Variants in FANK1 observed in about 807,000 individuals in gnomAD.
FANK1 encodes fibronectin type 3 and ankyrin repeat domains protein 1.
FANK1 carries 44 observed loss-of-function variants against 45.3 expected under a neutral mutation model. The ratio of observed to expected loss-of-function variants is 0.97; its 90% CI spans 0.76 to 1.25. FANK1 has a LOEUF of 1.25. FANK1 is among the 50% of genes most tolerant of loss of function. The pLI is 0.00. For synonymous variants in FANK1, 149 were observed against 152.5 expected, an observed-to-expected ratio of 0.98 and a Z score of 0.17; for missense variants, 391 against 424.4, an observed-to-expected ratio of 0.92 and a Z score of 0.69.
At chr10:125,981,515 A>AAAAAG (rs397791576) in intron 2 of FANK1, among the ~76,000 whole-genome samples, 1 of 146,740 alleles carries the variant, frequency 6.8e-6, no homozygotes, top group African/African-American at 2.5e-5. Context: ...AAAAAAAAAA[A>AAAAAG]GTTATGTTTT....
intron 1 of FANK1, among the ~76,000 whole-genome samples, chr10:125,919,050 C>G (rs1187441133): frequency 1.1e-4 from 16 of 151,972 alleles, no homozygotes; most frequent in Admixed American, 6.6e-5. Context: ...AATTTAAATT[C>G]AAGTTCACTG....
chr10:125,984,046 G>C (rs1014109946), intron 2 of FANK1, among the ~76,000 whole-genome samples: 7 of 152,162 alleles, frequency 4.6e-5, no homozygotes, highest in Admixed American at 2.6e-4. Context: ...CCGAATATGG[G>C]ATGTGAGATA....
chr10:125,960,304 G>T, intron 1 of FANK1: 1 of 274,692 alleles, frequency 3.6e-6, no homozygotes, highest in Non-Finnish European at 7.2e-6. Context: ...TACTGTTGCA[G>T]CTCTGCAGCT....
At chr10:125,952,032 A>T (rs541297655) in intron 1 of FANK1, among the ~76,000 whole-genome samples, 5 of 152,172 alleles carry the variant, frequency 3.3e-5, no homozygotes, top group Non-Finnish European at 7.4e-5. Flanking sequence ...ATGCTGCTTT[A>T]TCTGGAACTG....
At chr10:125,965,526 C>T (rs997261575) in intron 1 of FANK1, among the ~76,000 whole-genome samples, 1 of 152,206 alleles carries the variant, frequency 6.6e-6, no homozygotes, top group African/African-American at 2.4e-5. Flanking sequence ...CCAGGCACAG[C>T]CTGTGGGGGA....
At position 125,935,003 on chromosome 10, in the gene FANK1, G is replaced by A. The variant is rs573716043; in HGVS notation, c.13+38348G>A. ...CTGCTCAGTGCTGCAGTTCAGCAGG[G>A]TGGAGGCTATGCTGTGCATGCCCCA... On this transcript the variant is annotated intron_variant, in intron 1 of 10. Coordinates refer to ENST00000368693, the MANE Select transcript of FANK1 (RefSeq NM_145235.5). Among the ~76,000 whole-genome samples, 61 of 152,204 alleles carry A rather than the reference G, an allele frequency of 4.0e-4. 2 individuals are homozygous for A. Among genetic ancestry groups the A allele is most frequent in the Middle Eastern group, 6.8e-3 (2 of 294 alleles).
chr10:125,978,030 G>A (rs555762475), intron 1 of FANK1, among the ~76,000 whole-genome samples: 1 of 152,250 alleles, frequency 6.6e-6, no homozygotes, highest in African/African-American at 2.4e-5. Flanking sequence ...AGGCCTGGAG[G>A]ACCTGTCCAG....
At chr10:125,961,622 C>T (rs1949933291) in intron 1 of FANK1, among the ~76,000 whole-genome samples, 2 of 152,120 alleles carry the variant, frequency 1.3e-5, no homozygotes, top group Admixed American at 1.3e-4. Context: ...AATGTAAGAT[C>T]TGAAACCATA....
chr10:125,964,133 G>A (rs1950078814), intron 1 of FANK1, among the ~76,000 whole-genome samples: 1 of 145,424 alleles, frequency 6.9e-6, no homozygotes, highest in Non-Finnish European at 1.5e-5. Context: ...CTCTTCCTCT[G>A]TCTGTGATAT....
At position 125,952,688 on chromosome 10, in the gene FANK1, C is replaced by T. The variant is rs895395672; in HGVS notation, c.14-27473C>T. The stretch of plus-strand genomic sequence containing the variant: ...TGGCCCACCCTCCTGGTTTGTATAC[C>T]TCTGCTTGCCTCTCTCCTGTGGAAT... On this transcript the variant is annotated intron_variant, in intron 1 of 10. Transcript: ENST00000368693. 3.3e-5 allele frequency among the ~76,000 whole-genome samples: 5 copies of T among 151,702 alleles called. No homozygotes were observed. In the East Asian group the frequency reaches 7.7e-4, roughly 24 times the overall value.
chr10:125,995,143 T>C (rs1055159828), intron 3 of FANK1, among the ~76,000 whole-genome samples: 14 of 152,176 alleles, frequency 9.2e-5, no homozygotes, highest in Non-Finnish European at 2.1e-4. Context: ...TCTGAAAGGA[T>C]TATTTCCAAA....
intron 1 of FANK1, among the ~76,000 whole-genome samples, chr10:125,907,247 A>G (rs1323374387): frequency 6.6e-6 from 1 of 152,228 alleles, no homozygotes; most frequent in Non-Finnish European, 1.5e-5. Flanking sequence ...ATCTATAGTG[A>G]TAACTCTTCA....
At position 125,974,377 on chromosome 10, in the gene FANK1, G is replaced by A. The variant is rs180824126; in HGVS notation, c.14-5784G>A. Among the ~76,000 whole-genome samples, 160 of 152,290 alleles carry A rather than the reference G, an allele frequency of 1.1e-3. 2 individuals are homozygous for A. Among genetic ancestry groups the A allele is most frequent in the African/African-American group, 3.6e-3 (150 of 41,548 alleles). ...AGCTACTTGGGACATTGGCTCAAGG[G>A]AAATACAAGATCCTTTTTTTTTAAA... On this transcript the variant is annotated intron_variant, in intron 1 of 10. Coordinates refer to ENST00000368693, the MANE Select transcript of FANK1 (RefSeq NM_145235.5).
intron 1 of FANK1, chr10:125,973,124 C>T (rs1950625278): frequency 6.6e-6 from 1 of 152,242 alleles, no homozygotes; most frequent in African/African-American, 2.4e-5. Flanking sequence ...TCATTATGTA[C>T]CTACATCAAT....
chr10:126,003,400 T>TA (rs950677283), intron 6 of FANK1, among the ~76,000 whole-genome samples: 5 of 151,500 alleles, frequency 3.3e-5, no homozygotes, highest in Non-Finnish European at 7.4e-5. Context: ...TTTTAAGAAT[T>TA]AAAAAAAAAT....
chr10:125,941,385 C>T (rs1026141053), intron 1 of FANK1, among the ~76,000 whole-genome samples: 4 of 152,178 alleles, frequency 2.6e-5, no homozygotes, highest in East Asian at 3.8e-4. Context: ...GATTTTGCAT[C>T]TACAGGACTG....
intron 1 of FANK1, among the ~76,000 whole-genome samples, chr10:125,922,329 C>T (rs759998230): frequency 2.4e-4 from 37 of 152,294 alleles, no homozygotes; most frequent in East Asian, 5.8e-4. Flanking sequence ...AGAATATGAT[C>T]TCTCACCACC....
intron 1 of FANK1, chr10:125,973,489 G>A: frequency 1.0e-6 from 1 of 984,074 alleles, no homozygotes; most frequent in Non-Finnish European, 1.2e-6. Flanking sequence ...ATGACTCACA[G>A]TAAGAGGTCA....
intron 2 of FANK1, among the ~76,000 whole-genome samples, chr10:125,982,808 C>T (rs10794049): frequency 0.41 from 62,077 of 151,986 alleles, 12,885 homozygotes; most frequent in South Asian, 0.47. Flanking sequence ...TCTTTAGCTG[C>T]GTTTTCCCCT....
Sources: allele counts gnomAD v4.1 joint callset (sites outside exome capture counted in the v4.1 genomes callset), GRCh38; gene constraint gnomAD v4.1.1; transcripts MANE v1.5; gene names NCBI Gene and HGNC (gene_info 2026-07-23, HGNC 2026-07-21).